Variants in SERPINB12 observed in about 807,000 individuals in gnomAD.
SERPINB12 encodes serpin family B member 12, also known as serpin B12.
Under a neutral mutation model 41.1 loss-of-function variants are expected in SERPINB12, and 57 were observed. The observed-to-expected ratio is 1.39, with a 90% CI of 1.12 to 1.73. The LOEUF (loss-of-function observed/expected upper bound fraction) is 1.73. Among genes scored for constraint, SERPINB12 ranks in the 40% most tolerant of loss-of-function variants. SERPINB12 has a pLI of 0.00. For missense variants in SERPINB12, 536 were observed against 501.9 expected (o/e 1.07, Z -0.65); for synonymous variants, 180 against 181.3 (o/e 0.99, Z 0.06).
At chr18:63,525,129 C>T in the SERPINB12 span, among the ~76,000 whole-genome samples, 2 of 152,118 alleles carry the variant, frequency 1.3e-5, no homozygotes, top group African/African-American at 4.8e-5. Flanking sequence ...TTTTTAATTT[C>T]TTTCTCACAT....
the SERPINB12 span, among the ~76,000 whole-genome samples, chr18:63,526,842 A>G: frequency 7.9e-5 from 12 of 152,224 alleles, no homozygotes; most frequent in East Asian, 9.6e-4. Flanking sequence ...TTGTAGGAAC[A>G]TCATAGAGTG....
intron 1 of SERPINB12, among the ~76,000 whole-genome samples, chr18:63,552,133 A>C (rs540510270): frequency 8.5e-5 from 13 of 152,208 alleles, no homozygotes; most frequent in African/African-American, 2.9e-4. Flanking sequence ...GGGTTCTGCT[A>C]TCTCTTTGTG....
the SERPINB12 span, among the ~76,000 whole-genome samples, chr18:63,523,826 G>A: frequency 6.6e-6 from 1 of 152,178 alleles, no homozygotes; most frequent in Non-Finnish European, 1.5e-5. Context: ...CAAGCAAAAA[G>A]CGGTACTTTC....
At chr18:63,521,212 T>C in the SERPINB12 span, among the ~76,000 whole-genome samples, 1 of 152,330 alleles carries the variant, frequency 6.6e-6, no homozygotes, top group South Asian at 2.1e-4. Flanking sequence ...AATCCCTTCT[T>C]GCCTTCTCTG....
Position 63,549,833 on chromosome 18 carries a change from G to A in SERPINB12, c.-18-6309G>A, listed in dbSNP as rs113694173. Among the ~76,000 whole-genome samples the A allele has an allele frequency of 4.1e-3, 618 of 152,260 alleles. 6 individuals carry two copies. The highest frequency in any genetic ancestry group is 0.014 in the African/African-American group (597 of 41,556). The stretch of plus-strand genomic sequence containing the variant: ...ACATCTGCATCCCACAGAGCCACAT[G>A]GTGGTCACTCAGGACATGGCTTTTG... On this transcript the variant is annotated intron_variant, in intron 1 of 7. Transcript: ENST00000382768.
In SERPINB12 at chr18:63,567,444, G is replaced by A. The variant is rs527807513; in HGVS notation, c.*433G>A. Among the ~76,000 whole-genome samples the A allele has an allele frequency of 1.3e-5, 2 of 152,190 alleles. No individual in the cohort carries two copies. The highest frequency in any genetic ancestry group is 2.1e-4 in the South Asian group (1 of 4,822). On this transcript the variant is annotated 3_prime_UTR_variant, in exon 8 of 8. Coordinates refer to ENST00000382768, the MANE Select transcript of SERPINB12 (RefSeq NM_001307928.2). Reference sequence around the variant, plus strand: ...GTTTCTGGGGTAGTTTGACCGGAACGTGTTTGGAAACTCAGCTCTGTTTCT... The same window carrying A: ...GTTTCTGGGGTAGTTTGACCGGAACATGTTTGGAAACTCAGCTCTGTTTCT...
rs140878030 is a variant in SERPINB12, at chr18:63,567,930, T to C, written c.*919T>C. ...TTCTGGCCACGTGGAGGCTGGCCTCTGTGTGCCCCTCTCTCTGCCTTCTGG... is the reference window on the plus strand; with the variant it reads ...TTCTGGCCACGTGGAGGCTGGCCTCCGTGTGCCCCTCTCTCTGCCTTCTGG... On this transcript the variant is annotated 3_prime_UTR_variant, in exon 8 of 8. Coordinates refer to ENST00000382768, the MANE Select transcript of SERPINB12 (RefSeq NM_001307928.2). 5.6e-5 allele frequency among the ~76,000 whole-genome samples: 8 copies of C among 143,730 alleles called. No homozygotes were observed. The East Asian group carries it at 1.1e-3, about 20-fold the overall frequency. 94.3% of individuals were successfully genotyped at this position (143,730 alleles called of 152,430 possible).
chr18:63,545,919 TAAAGA>T, intron 1 of SERPINB12, among the ~76,000 whole-genome samples: 1 of 152,212 alleles, frequency 6.6e-6, no homozygotes, highest in East Asian at 1.9e-4. Flanking sequence ...GATCAAGGAG[TAAAGA>T]AAACTAACAG....
At chr18:63,537,754 A>G (rs1910202475), upstream of SERPINB12, among the ~76,000 whole-genome samples, 1 of 152,162 alleles carries the variant, frequency 6.6e-6, no homozygotes, top group African/African-American at 2.4e-5. Context: ...AAAACTCATA[A>G]AGGTTGTCAC....
chr18:63,547,654 T>C (rs1599413976), intron 1 of SERPINB12, among the ~76,000 whole-genome samples: 1 of 152,164 alleles, frequency 6.6e-6, no homozygotes, highest in East Asian at 1.9e-4. Context: ...TGTTAGAATG[T>C]CTATCTTGTC....
In SERPINB12 at chr18:63,559,657, C is replaced by A. The variant is rs746887527; in HGVS notation, c.383C>A (p.Thr128Asn). ...QLLSKLDRIK[T>N]DYTLSIANRL... ...CTCTCCAAATTAGACAGGATCAAGACTGATTACACACTGAGTATTGCCAAC... is the reference window on the plus strand; with the variant it reads ...CTCTCCAAATTAGACAGGATCAAGAATGATTACACACTGAGTATTGCCAAC... The change falls in exon 4 of 8, where the codon ACT becomes AAT. Residue 128 changes from threonine (T) to asparagine (N), a missense_variant. Thr to Asn is a moderately conservative substitution (Grantham distance 65, BLOSUM62 0). Transcript: ENST00000382768. 1 of 1,614,144 alleles carries A rather than the reference C, an allele frequency of 6.2e-7. No individual in the cohort carries two copies. The highest frequency in any genetic ancestry group is 1.1e-5 in the South Asian group (1 of 91,074).
intron 1 of SERPINB12, among the ~76,000 whole-genome samples, chr18:63,542,821 A>G (rs1453441782): frequency 6.6e-6 from 1 of 152,018 alleles, no homozygotes; most frequent in African/African-American, 2.4e-5. Flanking sequence ...AGGTCCCAGT[A>G]TCTGTTATTC....
intron 1 of SERPINB12, among the ~76,000 whole-genome samples, chr18:63,553,671 C>A (rs373702491): frequency 5.1e-4 from 78 of 152,256 alleles, no homozygotes; most frequent in African/African-American, 1.7e-3. Flanking sequence ...AAACATTAAC[C>A]TAAGTTATAC....
intron 3 of SERPINB12, 39 bp downstream of exon 3, chr18:63,558,525 T>A (rs746458419): frequency 1.3e-6 from 2 of 1,574,400 alleles, no homozygotes; most frequent in Admixed American, 2.0e-5. Context: ...CTTTCTTTTT[T>A]ACAAACTGCT....
the SERPINB12 span, among the ~76,000 whole-genome samples, chr18:63,527,473 T>C: frequency 6.6e-6 from 1 of 152,188 alleles, no homozygotes; most frequent in South Asian, 2.1e-4. Context: ...GAGGCTGTCA[T>C]TGAGAATGGT....
the SERPINB12 span, among the ~76,000 whole-genome samples, chr18:63,522,937 C>T: frequency 6.6e-6 from 1 of 152,044 alleles, no homozygotes; most frequent in Non-Finnish European, 1.5e-5. Context: ...CAATAACATA[C>T]TCATAAATGT....
upstream of SERPINB12, among the ~76,000 whole-genome samples, chr18:63,539,976 C>T (rs899432041): frequency 2.0e-5 from 3 of 152,092 alleles, no homozygotes; most frequent in African/African-American, 7.2e-5. Flanking sequence ...GCTAGAGTCA[C>T]AGGGAAAATA....
chr18:63,560,803 G>A (rs775763199), intron 4 of SERPINB12, among the ~76,000 whole-genome samples: 1 of 152,094 alleles, frequency 6.6e-6, no homozygotes, highest in Non-Finnish European at 1.5e-5. Flanking sequence ...TCCACAGATG[G>A]TTTGTTGAAA....
chr18:63,565,382 G>A, intron 6 of SERPINB12, 63 bp from the exon 7 acceptor site: 2 of 1,475,916 alleles, frequency 1.4e-6, no homozygotes, highest in Non-Finnish European at 1.9e-6. Context: ...CGTGAAGCTG[G>A]GGCCATATGA....
Sources: allele counts gnomAD v4.1 joint callset (sites outside exome capture counted in the v4.1 genomes callset), GRCh38; gene constraint gnomAD v4.1.1; transcripts MANE v1.5; gene names NCBI Gene and HGNC (gene_info 2026-07-23, HGNC 2026-07-21).